The following PARD3B variants were observed in gnomAD, a reference collection of about 807,000 sequenced individuals.
PARD3B encodes par-3 family cell polarity regulator beta, also known as partitioning defective 3 homolog B.
A neutral mutation model predicts 130.2 loss-of-function variants in PARD3B; 103 were observed. That is an observed-to-expected ratio of 0.79 (90% confidence interval 0.67 to 0.93). The LOEUF (loss-of-function observed/expected upper bound fraction) is 0.93. PARD3B is among the 40% of genes least tolerant of loss of function. The pLI, the probability that PARD3B is intolerant of heterozygous loss-of-function variation, is 0.00. For missense variants in PARD3B, 1,609 were observed against 1,499.2 expected (o/e 1.07, Z -1.21); for synonymous variants, 583 against 553.2 (o/e 1.05, Z -0.76).
chr2:204,724,945 TTGAC>T (rs775387550), intron 2 of PARD3B, among the ~76,000 whole-genome samples: 1 of 152,096 alleles, frequency 6.6e-6, no homozygotes, highest in Non-Finnish European at 1.5e-5. Flanking sequence ...TTGTTAGAAT[TTGAC>T]TGGGCCGCTA....
intron 1 of PARD3B, among the ~76,000 whole-genome samples, chr2:204,585,520 T>A (rs1443811393): frequency 2.0e-5 from 3 of 148,190 alleles, no homozygotes; most frequent in African/African-American, 7.8e-5. Flanking sequence ...TTTTTTTAAT[T>A]TTTTGTGGAG....
chr2:204,636,134 G>A (rs986523126), intron 1 of PARD3B, among the ~76,000 whole-genome samples: 1 of 152,074 alleles, frequency 6.6e-6, no homozygotes, highest in Non-Finnish European at 1.5e-5. Flanking sequence ...GGTATAGAAA[G>A]GAGAATCAAA....
At chr2:205,185,378 A>G (rs1280223592) in intron 13 of PARD3B, among the ~76,000 whole-genome samples, 1 of 152,232 alleles carries the variant, frequency 6.6e-6, no homozygotes, top group African/African-American at 2.4e-5. Context: ...TAATCACCAT[A>G]TAATCCAGAG....
At chr2:205,431,474 A>C (rs1032323818) in intron 19 of PARD3B, among the ~76,000 whole-genome samples, 3 of 151,614 alleles carry the variant, frequency 2.0e-5, no homozygotes, top group Non-Finnish European at 4.4e-5. Context: ...TCATTATATC[A>C]ATTTTTTTTT....
At chr2:205,570,432 A>G (rs1037055762) in intron 22 of PARD3B, among the ~76,000 whole-genome samples, 1 of 152,218 alleles carries the variant, frequency 6.6e-6, no homozygotes, top group Non-Finnish European at 1.5e-5. Context: ...GTAAAAACTT[A>G]TGAGAAGAAA....
chr2:205,502,170 CTTT>C (rs1192622819), intron 21 of PARD3B, among the ~76,000 whole-genome samples: 5 of 152,158 alleles, frequency 3.3e-5, no homozygotes, highest in Non-Finnish European at 4.4e-5. Context: ...TCCTGAGTGT[CTTT>C]TGTTCAGCGT....
At chr2:205,299,554 T>TTATATATTATATA (rs1553664144) in intron 16 of PARD3B, among the ~76,000 whole-genome samples, 7 of 3,130 alleles carry the variant, frequency 2.2e-3, no homozygotes, top group African/African-American at 6.3e-3. Context: ...CCTGCTAATA[T>TTATATATTATATA]TATATATTAT....
intron 2 of PARD3B, among the ~76,000 whole-genome samples, chr2:204,688,101 TA>T (rs1574708239): frequency 6.6e-6 from 1 of 152,094 alleles, no homozygotes; most frequent in East Asian, 1.9e-4. Flanking sequence ...CTAAATAAGG[TA>T]AAAAAGTGAG....
chr2:204,911,620 C>G (rs1341543401), intron 2 of PARD3B, among the ~76,000 whole-genome samples: 1 of 152,176 alleles, frequency 6.6e-6, no homozygotes, highest in Admixed American at 6.5e-5. Context: ...CAGTGTTGTT[C>G]TATGATGTGC....
At chr2:204,797,806 T>C (rs980424303) in intron 2 of PARD3B, among the ~76,000 whole-genome samples, 3 of 152,208 alleles carry the variant, frequency 2.0e-5, no homozygotes, top group African/African-American at 7.2e-5. Context: ...ATTGAACCAA[T>C]GAGATAGGAG....
intron 21 of PARD3B, among the ~76,000 whole-genome samples, chr2:205,552,316 G>A (rs916492413): frequency 6.6e-5 from 3 of 45,622 alleles, no homozygotes; most frequent in East Asian, 2.2e-3. Flanking sequence ...TGGTCGGGGG[G>A]CATCATGGAT....
At chr2:205,329,194 A>C (rs2541152) in intron 18 of PARD3B, among the ~76,000 whole-genome samples, 128,620 of 152,138 alleles carry the variant, frequency 0.85, 54,552 homozygotes, top group Admixed American at 0.9. Context: ...GTAACTTGTC[A>C]CTGACTACCT....
chr2:204,920,960 C>G (rs1380114398), intron 2 of PARD3B, among the ~76,000 whole-genome samples: 2 of 152,168 alleles, frequency 1.3e-5, no homozygotes, highest in African/African-American at 4.8e-5. Context: ...TCCACTCACT[C>G]ACTTGCAGTG....
At chr2:204,556,635 C>G (rs2125049723) in intron 1 of PARD3B, among the ~76,000 whole-genome samples, 1 of 152,208 alleles carries the variant, frequency 6.6e-6, no homozygotes, top group South Asian at 2.1e-4. Flanking sequence ...AGTGGGTGCA[C>G]ACACTAATTT....
At chr2:205,001,837 G>A (rs909914163) in intron 3 of PARD3B, among the ~76,000 whole-genome samples, 2 of 152,178 alleles carry the variant, frequency 1.3e-5, no homozygotes, top group African/African-American at 4.8e-5. Flanking sequence ...CAACAGTAGA[G>A]AGCAGCTCCA....
intron 4 of PARD3B, among the ~76,000 whole-genome samples, chr2:205,054,406 A>T (rs1305321251): frequency 3.7e-4 from 11 of 29,348 alleles, no homozygotes; most frequent in African/African-American, 9.5e-4. Flanking sequence ...CATGTCTTTT[A>T]TATATATATA....
Position 205,036,906 on chromosome 2 carries a change from A to G in PARD3B, c.395-10675A>G, listed in dbSNP as rs189655421. ...CGGACTGTATATATAAAGAACATAT[A>G]TAGCGGACTGTATATATAAAAAACA... On this transcript the variant is annotated intron_variant, in intron 3 of 22. Transcript: ENST00000406610. 1.6e-3 allele frequency among the ~76,000 whole-genome samples: 238 copies of G among 151,554 alleles called. 2 individuals are homozygous for G. The highest frequency in any genetic ancestry group is 3.1e-4 in the Non-Finnish European group (21 of 67,714).
intron 1 of PARD3B, among the ~76,000 whole-genome samples, chr2:204,628,409 C>A (rs1375499368): frequency 5.9e-5 from 9 of 151,926 alleles, no homozygotes; most frequent in Non-Finnish European, 8.8e-5. Context: ...TGCTTAAACA[C>A]CACAGGTTGA....
intron 15 of PARD3B, among the ~76,000 whole-genome samples, chr2:205,203,424 CT>C (rs1472090679): frequency 1.3e-5 from 2 of 149,822 alleles, no homozygotes; most frequent in Non-Finnish European, 3.0e-5. Context: ...TTACTTTTTA[CT>C]TTTTATTTTT....
Sources: gnomAD v4.1 joint callset for allele counts (sites outside exome capture counted in the v4.1 genomes callset) on GRCh38, gnomAD v4.1.1 for gene constraint, MANE v1.5 for transcripts, NCBI Gene and HGNC (gene_info 2026-07-23, HGNC 2026-07-21) for gene names.